The following CAPG variants were observed in gnomAD, a reference collection of about 807,000 sequenced individuals.
The protein encoded by CAPG is macrophage-capping protein.
Under a neutral mutation model 44.6 loss-of-function variants are expected in CAPG, and 32 were observed. The ratio of observed to expected loss-of-function variants is 0.72; its 90% CI spans 0.54 to 0.96. The LOEUF is 0.96. Ranked by LOEUF, CAPG falls within the 50% of genes least tolerant of loss-of-function variation. CAPG has a pLI of 0.00. For synonymous variants in CAPG, 175 were observed against 179.6 expected (o/e 0.97, Z 0.20); for missense variants, 412 against 438.3 (o/e 0.94, Z 0.54).
chr2:85,416,299 CTG>C (rs1327489000), intron 1 of CAPG, among the ~76,000 whole-genome samples: 2 of 152,148 alleles, frequency 1.3e-5, no homozygotes, highest in East Asian at 3.8e-4. Context: ...AGTTCTCGAC[CTG>C]TCTTCTAACT....
chr2:85,417,473 A>G (rs1202789539), intron 1 of CAPG, among the ~76,000 whole-genome samples: 2 of 142,828 alleles, frequency 1.4e-5, no homozygotes, highest in Admixed American at 7.0e-5. Flanking sequence ...CAGCTATCTC[A>G]GCTCTTTTTT....
Position 85,401,907 on chromosome 2 carries a change from C to G in CAPG, c.74G>C (p.Arg25Pro). 1 of 1,614,078 alleles carries G rather than the reference C, an allele frequency of 6.2e-7. No homozygotes were observed. The change falls in exon 3 of 10, where the codon CGG becomes CCG. Residue 25 changes from arginine to proline, a missense_variant. Transcript: ENST00000263867. ...AGGCACCGGCTTCAGCTTCTCCACC[C>G]GCCACACATGCAGGCCTGGATCCTG... is the stretch of plus-strand genomic sequence containing the variant. ...SVQDPGLHVW[R>P]VEKLKPVPVA...
intron 4 of CAPG, 87 bp downstream of exon 4, chr2:85,401,439 CCGG>C: frequency 6.3e-7 from 1 of 1,582,192 alleles, no homozygotes; most frequent in Admixed American, 1.7e-5. Context: ...CCAAAGGCAC[CCGG>C]GTCTTCTGCA....
Position 85,395,854 on chromosome 2 carries a change from C to T in CAPG, c.893-228G>A, listed in dbSNP as rs144652961. 5.0e-3 allele frequency: 2,694 copies of T among 535,774 alleles called. 11 individuals carry two copies. The highest frequency in any genetic ancestry group is 8.0e-3 in the Non-Finnish European group (2,376 of 296,250). 33.2% of individuals were successfully genotyped at this position (535,774 alleles called of 1,614,324 possible). ...GGTAGATGAAAACCCCTCGTCTGCC[C>T]GGGTCTGATCATGCAAAACTCTGCT... On this transcript the variant is annotated intron_variant, in intron 8 of 9. Transcript: ENST00000263867. The surrounding 1 kb of genome is among the most constrained non-coding windows in gnomAD (Gnocchi z 4.3).
At chr2:85,394,983 C>G in intron 9 of CAPG, 25 bp from the exon 10 acceptor site, 1 of 1,575,634 alleles carries the variant, frequency 6.3e-7, no homozygotes, top group Non-Finnish European at 8.7e-7. Flanking sequence ...GGGGAGAAGT[C>G]TGGTTCACAA....
In CAPG at chr2:85,399,238, G is replaced by C; in HGVS notation, c.564C>G (p.Asn188Lys). ...CGGKSNILER[N>K]KARDLALAIR... ...TGGCCAGGGCCAGGTCCCTCGCCTT[G>C]TTGCGTTCCAGGATGTTGGACTTTC... Residue 188 changes from asparagine (N) to lysine (K), a missense_variant, in exon 6 of 10, where the codon AAC becomes AAG. Transcript: ENST00000263867. 2 of 1,614,224 alleles carry C rather than the reference G, an allele frequency of 1.2e-6. No individual in the cohort carries two copies. The highest frequency in any genetic ancestry group is 1.7e-6 in the Non-Finnish European group (2 of 1,180,024).
At chr2:85,411,803 G>A (rs988792266), upstream of CAPG, among the ~76,000 whole-genome samples, 8 of 152,208 alleles carry the variant, frequency 5.3e-5, 1 homozygote, top group Admixed American at 3.9e-4. Context: ...GGCTGTCTCC[G>A]GTAATCCCAG....
intron 5 of CAPG, 126 bp from the exon 6 acceptor site, chr2:85,399,411 G>A: frequency 4.1e-6 from 4 of 987,008 alleles, no homozygotes; most frequent in Non-Finnish European, 6.0e-6. Flanking sequence ...CAACCAGGAA[G>A]GCAGAGCACA....
At chr2:85,414,484 C>T (rs1457827133), upstream of CAPG, among the ~76,000 whole-genome samples, 6 of 149,750 alleles carry the variant, frequency 4.0e-5, no homozygotes, top group South Asian at 8.4e-4. Flanking sequence ...ACCTGGAGTG[C>T]GGTGCTGTGA....
intron 1 of CAPG, among the ~76,000 whole-genome samples, chr2:85,407,017 G>GCAA (rs1558736751): frequency 4.0e-5 from 6 of 150,058 alleles, no homozygotes; most frequent in African/African-American, 1.5e-4. Flanking sequence ...TGCAACCTCT[G>GCAA]CCTCCTGAGT....
At chr2:85,413,550 A>T (rs146505632), upstream of CAPG, among the ~76,000 whole-genome samples, 8,782 of 152,280 alleles carry the variant, frequency 0.058, 382 homozygotes, top group Non-Finnish European at 0.085. Flanking sequence ...ACTGCACTCC[A>T]GCCTGGGCAA....
At chr2:85,412,250 C>T (rs376544352), upstream of CAPG, among the ~76,000 whole-genome samples, 11 of 152,100 alleles carry the variant, frequency 7.2e-5, no homozygotes, top group Non-Finnish European at 1.6e-4. Context: ...CGGTGGCTCA[C>T]GCCTGTAATC....
chr2:85,393,657 C>T (rs1443158029), downstream of CAPG, among the ~76,000 whole-genome samples: 1 of 151,990 alleles, frequency 6.6e-6, no homozygotes, highest in Non-Finnish European at 1.5e-5. Context: ...CTCTACCTCC[C>T]GGGTTTAAGC....
At chr2:85,410,715 G>C (rs1687381179), upstream of CAPG, among the ~76,000 whole-genome samples, 1 of 152,182 alleles carries the variant, frequency 6.6e-6, no homozygotes, top group Admixed American at 6.5e-5. Context: ...GGCAGGCGCG[G>C]CACAGCCCCC....
chr2:85,413,273 T>C (rs1184668601), upstream of CAPG: 1 of 151,670 alleles, frequency 6.6e-6, no homozygotes, highest in African/African-American at 2.4e-5. Flanking sequence ...AGGGGAGAGG[T>C]TTACACATTA....
At chr2:85,409,419 C>T (rs1032706032) in intron 1 of CAPG, among the ~76,000 whole-genome samples, 1 of 152,288 alleles carries the variant, frequency 6.6e-6, no homozygotes, top group East Asian at 1.9e-4. Context: ...GTTACACACA[C>T]CTTTAAGGAA....
In CAPG at chr2:85,395,826, C is replaced by T. The variant is rs553763301; in HGVS notation, c.893-200G>A. Among the ~76,000 whole-genome samples the T allele has an allele frequency of 1.3e-5, 2 of 152,228 alleles. No homozygotes were observed. Among genetic ancestry groups the T allele is most frequent in the Non-Finnish European group, 2.9e-5 (2 of 68,010 alleles). On this transcript the variant is annotated intron_variant, in intron 8 of 9. Transcript: ENST00000263867. This position sits in a 1 kb window ranked among gnomAD's most constrained non-coding sequence, Gnocchi z 4.3. The stretch of plus-strand genomic sequence containing the variant: ...AAGAATTTTCCCAAACCGGCAGCAC[C>T]AAGGTAGATGAAAACCCCTCGTCTG...
rs758072996 is a variant in CAPG, at chr2:85,395,650, T to A, written c.893-24A>T. ...CCCTAGATCATAGGAAGGAGATTTT[T>A]AAAAAGAGCAGGGACCCTCTTTAGC... is the stretch of plus-strand genomic sequence containing the variant. On this transcript the variant is annotated intron_variant, in intron 8 of 9. Coordinates refer to ENST00000263867, the MANE Select transcript of CAPG (RefSeq NM_001747.4). This position sits in a 1 kb window ranked among gnomAD's most constrained non-coding sequence, Gnocchi z 4.3. 13 of 1,581,062 alleles carry A rather than the reference T, an allele frequency of 8.2e-6. No homozygotes were observed. The highest frequency in any genetic ancestry group is 5.1e-5 in the Admixed American group (3 of 58,904).
intron 1 of CAPG, among the ~76,000 whole-genome samples, chr2:85,408,291 G>A (rs1469568023): frequency 4.0e-5 from 6 of 150,804 alleles, no homozygotes; most frequent in East Asian, 1.9e-4. Context: ...GCAGTGAGCC[G>A]AGATGGCACT....
Sources: gnomAD v4.1 joint callset for allele counts (sites outside exome capture counted in the v4.1 genomes callset) on GRCh38, gnomAD v4.1.1 for gene constraint, Gnocchi (gnomAD v3.1) non-coding constraint, MANE v1.5 for transcripts, NCBI Gene and HGNC (gene_info 2026-07-23, HGNC 2026-07-21) for gene names.